Variants in SUPT6H observed in about 807,000 individuals in gnomAD.
The protein encoded by SUPT6H is SPT6 homolog, histone chaperone and transcription elongation factor.
SUPT6H carries 11 observed loss-of-function variants against 222.3 expected under a neutral mutation model. That is an observed-to-expected ratio of 0.05 (90% CI 0.03 to 0.08). The LOEUF is 0.08. Among genes scored for constraint, SUPT6H ranks in the 10% least tolerant of loss-of-function variants. The pLI is 1.00. For synonymous variants in SUPT6H, 762 were observed against 801.2 expected (o/e 0.95, Z 0.83); for missense variants, 1,422 against 2,216.0 (o/e 0.64, Z 7.19).
chr17:28,674,898 G>T, intron 4 of SUPT6H, 72 bp from the exon 5 acceptor site: 1 of 1,524,716 alleles, frequency 6.6e-7, no homozygotes, highest in Admixed American at 1.9e-5. Flanking sequence ...GAAGAAGGGA[G>T]TGAGACTGGA....
rs1597708343 is a variant in SUPT6H, at chr17:28,686,878, G to A, written c.2700+89G>A. The A allele has an allele frequency of 4.0e-6, 6 of 1,500,146 alleles. No individual in the cohort carries two copies. The East Asian group carries it at 1.4e-4, about 34-fold the overall frequency. The allele number at this position is 1,500,146 out of a possible 1,614,324, so 92.9% of individuals were successfully genotyped here. On this transcript the variant is annotated intron_variant, in intron 21 of 36. Coordinates refer to ENST00000314616, the MANE Select transcript of SUPT6H (RefSeq NM_003170.5). ...AATTGGGAAACAAAAGTTATCAGGGGCACAGGACTGTACCTGTGTACTTAT... is the reference window on the plus strand; with the variant it reads ...AATTGGGAAACAAAAGTTATCAGGGACACAGGACTGTACCTGTGTACTTAT...
chr17:28,663,828 A>ATTTTT (rs71135839), intron 1 of SUPT6H, among the ~76,000 whole-genome samples: 814 of 38,382 alleles, frequency 0.021, 247 homozygotes, highest in African/African-American at 0.068. Context: ...TGCCCACTCC[A>ATTTTT]TTTTTTTTTT....
intron 27 of SUPT6H, among the ~76,000 whole-genome samples, chr17:28,692,524 A>T (rs558646815): frequency 2.0e-5 from 3 of 146,626 alleles, no homozygotes; most frequent in Non-Finnish European, 4.5e-5. Flanking sequence ...TCAAAAAAAA[A>T]CACAAAAGGG....
At chr17:28,687,588 ATCAC>A (rs2031450605) in intron 23 of SUPT6H, 117 bp downstream of exon 23, 1 of 1,172,960 alleles carries the variant, frequency 8.5e-7, no homozygotes, top group Non-Finnish European at 1.2e-6. Context: ...CTTGTCCAAA[ATCAC>A]TCAGCTAGTG....
At position 28,682,831 on chromosome 17, in the gene SUPT6H, G is replaced by C; in HGVS notation, c.1702G>C (p.Glu568Gln). 6.2e-7 allele frequency: 1 copy of C among 1,614,176 alleles called. No homozygotes were observed. Among genetic ancestry groups the C allele is most frequent in the Non-Finnish European group, 8.5e-7 (1 of 1,180,034 alleles). ...AGAGCAGTTTCCCGCGGAGCCCTTG[G>C]AGCTGGCCAAGGATTACGTTTGCAG... ...ETEQFPAEPL[E>Q]LAKDYVCSQF... The change falls in exon 14 of 37, where the codon GAG (glutamate) becomes CAG (glutamine). Residue 568 changes from glutamate to glutamine, a missense_variant. Transcript: ENST00000314616.
intron 17 of SUPT6H, among the ~76,000 whole-genome samples, chr17:28,684,188 T>C (rs185144962): frequency 2.0e-3 from 310 of 152,048 alleles, no homozygotes; most frequent in Non-Finnish European, 3.9e-3. Flanking sequence ...AGTCATATGA[T>C]TTCCCCAAAC....
chr17:28,700,577 C>G, intron 35 of SUPT6H, 65 bp downstream of exon 35: 4 of 1,558,244 alleles, frequency 2.6e-6, no homozygotes, highest in Middle Eastern at 2.0e-4. Context: ...TCTCGCATTG[C>G]CCACAAGGGG....
chr17:28,695,251 C>A, intron 28 of SUPT6H, 101 bp from the exon 29 acceptor site: 1 of 1,293,302 alleles, frequency 7.7e-7, no homozygotes. Context: ...CACTTTACAC[C>A]TTACACCTTT....
At chr17:28,695,600 A>T in intron 29 of SUPT6H, 53 bp downstream of exon 29, 1 of 1,559,016 alleles carries the variant, frequency 6.4e-7, no homozygotes, top group Non-Finnish European at 8.7e-7. Context: ...CAGTTCTCCC[A>T]GTGCAGGATT....
Position 28,681,974 on chromosome 17 carries a change from G to A in SUPT6H, c.1591G>A (p.Gly531Arg), listed in dbSNP as rs1412228385. 6.2e-7 allele frequency: 1 copy of A among 1,602,694 alleles called. No homozygotes were observed. Among genetic ancestry groups the A allele is most frequent in the Non-Finnish European group, 8.5e-7 (1 of 1,175,824 alleles). ...CATGTACACCATCTGCCAGAGTGCT[G>A]GGCTAGGTAAAAGCTAGCTGCTTTG... is the stretch of plus-strand genomic sequence containing the variant. ...RDMYTICQSAGLDGLAKKFGL... is the reference protein window; with the variant it reads ...RDMYTICQSARLDGLAKKFGL... The change falls in exon 13 of 37, where the codon GGG becomes AGG. Residue 531 changes from glycine (G) to arginine (R), a missense_variant. Coordinates refer to ENST00000314616, the MANE Select transcript of SUPT6H (RefSeq NM_003170.5).
At chr17:28,684,534 G>A in intron 17 of SUPT6H, 52 bp from the exon 18 acceptor site, 1 of 1,607,386 alleles carries the variant, frequency 6.2e-7, no homozygotes, top group Non-Finnish European at 8.5e-7. Context: ...TGGTGAGCCT[G>A]ATGACCATAA....
chr17:28,667,339 C>A (rs2030088421), intron 1 of SUPT6H, among the ~76,000 whole-genome samples: 1 of 132,092 alleles, frequency 7.6e-6, no homozygotes, highest in South Asian at 2.5e-4. Context: ...CCACTGCACT[C>A]CAGCCTGGGT....
Position 28,678,533 on chromosome 17 carries a change from T to C in SUPT6H, c.1117-12T>C. On this transcript the variant is annotated splice_polypyrimidine_tract_variant and intron_variant, in intron 9 of 36. Coordinates refer to ENST00000314616, the MANE Select transcript of SUPT6H (RefSeq NM_003170.5). The stretch of plus-strand genomic sequence containing the variant: ...TCTTCTCTGAGTGACTGCAGTCTCT[T>C]TGCCATCCTAGGTGCCTTTTATTGC... The C allele has an allele frequency of 1.2e-6, 2 of 1,613,848 alleles. No individual in the cohort carries two copies. The highest frequency in any genetic ancestry group is 1.1e-5 in the South Asian group (1 of 91,064).
intron 1 of SUPT6H, among the ~76,000 whole-genome samples, chr17:28,669,168 T>C (rs1052980126): frequency 7.9e-5 from 12 of 152,280 alleles, no homozygotes; most frequent in African/African-American, 2.9e-4. Flanking sequence ...TAAACAATAA[T>C]ACTTTTTATG....
At position 28,700,152 on chromosome 17, in the gene SUPT6H, CTA is replaced by C. The variant is rs746248475; in HGVS notation, c.4562-20_4562-19del. On this transcript the variant is annotated intron_variant, in intron 33 of 36. Transcript: ENST00000314616. ...AAAATAGGTTTCTGGAGGGATGTAA[CTA>C]AATAATCACTTCCTGCAGGCATCAC... 6.2e-7 allele frequency: 1 copy of C among 1,614,114 alleles called. No individual in the cohort carries two copies. Among genetic ancestry groups the C allele is most frequent in the East Asian group, 2.2e-5 (1 of 44,890 alleles).
In SUPT6H at chr17:28,677,833, C is replaced by G; in HGVS notation, c.999+17C>G. On this transcript the variant is annotated intron_variant, in intron 8 of 36. Coordinates refer to ENST00000314616, the MANE Select transcript of SUPT6H (RefSeq NM_003170.5). ...TCTCTCCAGGTACACAAAAAAGATC[C>G]TTAGGTTTTGACATGAACCAAAAGA... The G allele has an allele frequency of 1.2e-6, 2 of 1,609,782 alleles. No homozygotes were observed. The highest frequency in any genetic ancestry group is 1.7e-6 in the Non-Finnish European group (2 of 1,176,336).
rs1475532871 is a variant in SUPT6H, at chr17:28,687,322, G to A, written c.2857G>A (p.Glu953Lys). ...HPLQEHVVKE[E>K]LLNALYCEFI... ...TCCACAGGAGCATGTGGTGAAAGAG[G>A]AGCTGCTCAACGCCTTGTACTGTGA... Residue 953 changes from glutamate to lysine, a missense_variant, in exon 23 of 37, where the codon GAG becomes AAG. Glu to Lys is a moderately conservative substitution (Grantham distance 56). Around this residue, in one of 13 missense-constraint regions of SUPT6H, gnomAD observed 294 missense variants for 382.1 expected, o/e 0.77. Transcript: ENST00000314616. The A allele has an allele frequency of 1.2e-6, 2 of 1,614,156 alleles. No individual in the cohort carries two copies. Among genetic ancestry groups the A allele is most frequent in the Non-Finnish European group, 1.7e-6 (2 of 1,180,028 alleles).
In SUPT6H at chr17:28,688,110, C is replaced by G. The variant is rs763902025; in HGVS notation, c.3026C>G (p.Thr1009Ser). ...HLLKILKQNNTRLESRTQLVT... is the reference protein window; with the variant it reads ...HLLKILKQNNSRLESRTQLVT... ...CCCCAGATCCTGAAGCAGAACAACA[C>G]CCGGCTCGAGAGCCGGACCCAGCTG... Residue 1009 changes from threonine (T) to serine (S), a missense_variant, in exon 24 of 37, where the codon ACC becomes AGC. Transcript: ENST00000314616. The surrounding 1 kb of genome is among the most constrained non-coding windows in gnomAD (Gnocchi z 4.3). The G allele has an allele frequency of 6.2e-7, 1 of 1,613,046 alleles. No homozygotes were observed. Among genetic ancestry groups the G allele is most frequent in the Non-Finnish European group, 8.5e-7 (1 of 1,179,420 alleles).
At position 28,686,675 on chromosome 17, in the gene SUPT6H, A is replaced by G; in HGVS notation, c.2586A>G (p.Glu862=). 1 of 1,601,332 alleles carries G rather than the reference A, an allele frequency of 6.2e-7. No individual in the cohort carries two copies. The part of the protein sequence containing the change: ...GENRDAQMLI[E]DVKRIVHELD... The stretch of plus-strand genomic sequence containing the variant: ...CCAGGGACGCCCAGATGTTGATTGA[A>G]GATGTGAAGCGCATTGTACATGAGC... Residue 862 remains glutamate (E), a synonymous_variant, in exon 21 of 37, where the codon GAA becomes GAG. Coordinates refer to ENST00000314616, the MANE Select transcript of SUPT6H (RefSeq NM_003170.5).
Sources: allele counts gnomAD v4.1 joint callset (sites outside exome capture counted in the v4.1 genomes callset), GRCh38; gene constraint gnomAD v4.1.1; regional missense constraint gnomAD v4.1.1; non-coding constraint Gnocchi (gnomAD v3.1); transcripts MANE v1.5; gene names NCBI Gene and HGNC (gene_info 2026-07-23, HGNC 2026-07-21).